ANTXR1: variants seen among roughly 807,000 people sequenced by gnomAD.
ANTXR1 encodes the protein ANTXR cell adhesion molecule 1.
A neutral mutation model predicts 78.1 loss-of-function variants in ANTXR1; 19 were observed. That is an observed-to-expected ratio of 0.24 (90% confidence interval 0.17 to 0.36). ANTXR1 has a LOEUF of 0.36. ANTXR1 is among the 10% of genes least tolerant of loss of function. ANTXR1 has a pLI of 1.00. For synonymous variants in ANTXR1, 273 were observed against 260.5 expected, an observed-to-expected ratio of 1.05 and a Z score of -0.46; for missense variants, 518 against 718.6, an observed-to-expected ratio of 0.72 and a Z score of 3.19.
At chr2:69,220,371 T>C (rs952083595) in intron 17 of ANTXR1, among the ~76,000 whole-genome samples, 18 of 152,332 alleles carry the variant, frequency 1.2e-4, no homozygotes, top group South Asian at 4.1e-4. Flanking sequence ...TATCTTTCTC[T>C]TAAAGTGGGT....
At chr2:69,030,391 A>G (rs774776222) in intron 1 of ANTXR1, among the ~76,000 whole-genome samples, 5 of 152,252 alleles carry the variant, frequency 3.3e-5, no homozygotes, top group Middle Eastern at 3.2e-3. Context: ...ACCAAAGATA[A>G]TACCTTCATA....
At chr2:69,133,135 T>G (rs1288412727) in intron 12 of ANTXR1, among the ~76,000 whole-genome samples, 1 of 152,172 alleles carries the variant, frequency 6.6e-6, no homozygotes, top group African/African-American at 2.4e-5. Flanking sequence ...CTGGACAGAT[T>G]ATTCCAGAAA....
chr2:69,027,636 GTGTA>G (rs1282976918), intron 1 of ANTXR1, among the ~76,000 whole-genome samples: 2,708 of 145,038 alleles, frequency 0.019, 85 homozygotes, highest in African/African-American at 0.068. Flanking sequence ...GTGTGTGTGT[GTGTA>G]TGTGTGTGTG....
At chr2:69,018,212 G>C (rs963048560) in intron 1 of ANTXR1, among the ~76,000 whole-genome samples, 2 of 152,012 alleles carry the variant, frequency 1.3e-5, no homozygotes, top group Admixed American at 6.5e-5. Context: ...CCCCCCACAG[G>C]CTCACCATGT....
chr2:69,141,564 G>C (rs1673069951), intron 12 of ANTXR1, among the ~76,000 whole-genome samples: 1 of 152,222 alleles, frequency 6.6e-6, no homozygotes, highest in Non-Finnish European at 1.5e-5. Flanking sequence ...TCGACAATTA[G>C]CAATTGTGTG....
intron 17 of ANTXR1, among the ~76,000 whole-genome samples, chr2:69,206,441 G>A (rs1674905043): frequency 1.3e-5 from 2 of 152,154 alleles, no homozygotes; most frequent in South Asian, 2.1e-4. Flanking sequence ...GGGCCTAATG[G>A]AAAGTCCACC....
chr2:69,230,339 AT>A (rs1157120691), intron 17 of ANTXR1, among the ~76,000 whole-genome samples: 3 of 151,866 alleles, frequency 2.0e-5, no homozygotes, highest in Non-Finnish European at 2.9e-5. Flanking sequence ...ACAATGGTTT[AT>A]CGACCTTCCT....
At chr2:69,198,756 G>C (rs74962513) in intron 17 of ANTXR1, among the ~76,000 whole-genome samples, 7,050 of 151,976 alleles carry the variant, frequency 0.046, 424 homozygotes, top group African/African-American at 0.13. Flanking sequence ...CCACCCCCTC[G>C]GTCTGTTTTT....
intron 17 of ANTXR1, among the ~76,000 whole-genome samples, chr2:69,244,767 A>G (rs1022762538): frequency 3.9e-5 from 6 of 152,226 alleles, no homozygotes; most frequent in Admixed American, 6.5e-5. Flanking sequence ...GCAAAGTAGC[A>G]GCAGGAAGAA....
intron 2 of ANTXR1, among the ~76,000 whole-genome samples, chr2:69,044,454 G>T (rs1034013750): frequency 6.6e-6 from 1 of 152,120 alleles, no homozygotes; most frequent in African/African-American, 2.4e-5. Context: ...ACAGAACACA[G>T]GGCAACAATG....
intron 17 of ANTXR1, among the ~76,000 whole-genome samples, chr2:69,197,582 A>G (rs554989763): frequency 3.3e-5 from 5 of 152,174 alleles, no homozygotes; most frequent in South Asian, 2.1e-4. Context: ...GCTTGGTAAT[A>G]TTGTTCATTG....
Position 69,126,202 on chromosome 2 carries a change from A to G in ANTXR1, c.951+1559A>G, listed in dbSNP as rs553559779. On this transcript the variant is annotated intron_variant, in intron 12 of 17. Coordinates refer to ENST00000303714, the MANE Select transcript of ANTXR1 (RefSeq NM_032208.3). ...CTCCCTCCTAATGCCCCCAACACCAATTTTCATCTTGTGTTAGGAGCAAAC... is the reference window on the plus strand; with the variant it reads ...CTCCCTCCTAATGCCCCCAACACCAGTTTTCATCTTGTGTTAGGAGCAAAC... Among the ~76,000 whole-genome samples, 10 of 152,270 alleles carry G rather than the reference A, an allele frequency of 6.6e-5. No individual in the cohort carries two copies. In the East Asian group the frequency reaches 1.9e-3, roughly 29 times the overall value.
intron 16 of ANTXR1, among the ~76,000 whole-genome samples, chr2:69,191,621 T>C (rs2104473892): frequency 6.6e-6 from 1 of 152,366 alleles, no homozygotes; most frequent in African/African-American, 2.4e-5. Context: ...ATCCTCACCA[T>C]GTGCAATTAC....
chr2:69,181,928 C>T, intron 15 of ANTXR1, 47 bp downstream of exon 15: 3 of 1,590,116 alleles, frequency 1.9e-6, no homozygotes, highest in Non-Finnish European at 2.6e-6. Context: ...TGACTACTCC[C>T]ATCGAGGTAC....
intron 14 of ANTXR1, among the ~76,000 whole-genome samples, chr2:69,171,149 T>A (rs1165762644): frequency 2.0e-5 from 3 of 152,212 alleles, no homozygotes; most frequent in Non-Finnish European, 4.4e-5. Flanking sequence ...CAAGTGCCAG[T>A]TCCTCACCCT....
At chr2:69,229,265 T>TA (rs1407591996) in intron 17 of ANTXR1, among the ~76,000 whole-genome samples, 5 of 152,182 alleles carry the variant, frequency 3.3e-5, no homozygotes, top group South Asian at 2.1e-4. Flanking sequence ...TGTTCTTTTT[T>TA]AAAAAAATTA....
intron 8 of ANTXR1, among the ~76,000 whole-genome samples, chr2:69,079,475 A>G (rs182702487): frequency 1.3e-5 from 2 of 152,270 alleles, no homozygotes; most frequent in Admixed American, 6.5e-5. Context: ...TATGACCTCA[A>G]CCTAGAGGCT....
intron 10 of ANTXR1, among the ~76,000 whole-genome samples, chr2:69,111,258 G>C (rs965237079): frequency 4.6e-5 from 7 of 152,146 alleles, no homozygotes; most frequent in African/African-American, 1.7e-4. Context: ...TCCTCCTTTA[G>C]TATTCAGTGT....
intron 13 of ANTXR1, among the ~76,000 whole-genome samples, chr2:69,167,731 G>T (rs943204271): frequency 5.9e-5 from 9 of 152,204 alleles, no homozygotes; most frequent in African/African-American, 2.2e-4. Context: ...AGACCAGGTT[G>T]GAGGTGCTTA....
Sources: gnomAD v4.1 joint callset for allele counts (sites outside exome capture counted in the v4.1 genomes callset) on GRCh38, gnomAD v4.1.1 for gene constraint, MANE v1.5 for transcripts, NCBI Gene and HGNC (gene_info 2026-07-23, HGNC 2026-07-21) for gene names.